Variants in ZFP41 observed in about 807,000 individuals in gnomAD.
The protein encoded by ZFP41 is zinc finger protein 41 homolog.
Under a neutral mutation model 11.6 loss-of-function variants are expected in ZFP41, and 10 were observed. That is an observed-to-expected ratio of 0.86 (90% CI 0.53 to 1.47). The LOEUF is 1.47. Among genes scored for constraint, ZFP41 ranks in the 40% most tolerant of loss-of-function variants. ZFP41 has a pLI of 0.00. For synonymous variants in ZFP41, 123 were observed against 100.9 expected (o/e 1.22, Z -1.31); for missense variants, 302 against 264.6 (o/e 1.14, Z -0.98).
chr8:143,257,406 A>G (rs559605377), intron 2 of ZFP41, among the ~76,000 whole-genome samples: 1 of 152,338 alleles, frequency 6.6e-6, no homozygotes, highest in South Asian at 2.1e-4. Flanking sequence ...CTGAGGCAGG[A>G]GAATTGCTTG....
At chr8:143,251,689 T>C (rs1814764538) in intron 2 of ZFP41, among the ~76,000 whole-genome samples, 1 of 152,202 alleles carries the variant, frequency 6.6e-6, no homozygotes, top group African/African-American at 2.4e-5. Flanking sequence ...ACTGCCCGGA[T>C]GATGGAGAGC....
Position 143,260,863 on chromosome 8 carries a change from T to C in ZFP41, c.*1989T>C, listed in dbSNP as rs1359348430. On this transcript the variant is annotated 3_prime_UTR_variant, in exon 3 of 3. Coordinates refer to ENST00000330701, the MANE Select transcript of ZFP41 (RefSeq NM_173832.6). ...CAGCCGAGCTCTGTAGGCCTCAGAG[T>C]GCAGAGAACCTCAAATGTTGTGACT... 2 of 166,668 alleles carry C rather than the reference T, an allele frequency of 1.2e-5. No individual in the cohort carries two copies. The highest frequency in any genetic ancestry group is 2.6e-5 in the Non-Finnish European group (2 of 76,834). The allele number at this position is 166,668 out of a possible 1,614,324, so 10.3% of individuals were successfully genotyped here. A position where few individuals can be genotyped will look rare whatever the true frequency, so the allele number is the denominator to read the frequency against.
chr8:143,262,183 C>A lies in ZFP41; in HGVS notation c.*3309C>A. The stretch of plus-strand genomic sequence containing the variant: ...CCCAGGTGCAGGTCTGTGAGGAGGG[C>A]AGCCCCGTGCTCCCGTGGCCACCGC... On this transcript the variant is annotated 3_prime_UTR_variant, in exon 3 of 3. Transcript: ENST00000330701. The A allele has an allele frequency of 6.1e-6, 1 of 163,156 alleles. No homozygotes were observed. The highest frequency in any genetic ancestry group is 1.3e-5 in the Non-Finnish European group (1 of 75,158). The allele number at this position is 163,156 out of a possible 1,614,324, so 10.1% of individuals were successfully genotyped here.
intron 2 of ZFP41, chr8:143,252,512 C>A: frequency 3.6e-6 from 1 of 275,262 alleles, no homozygotes; most frequent in Non-Finnish European, 5.5e-6. Flanking sequence ...AGGGGCCTCC[C>A]CAGCGCAGGT....
At position 143,261,294 on chromosome 8, in the gene ZFP41, C is replaced by T. The variant is rs1241636661; in HGVS notation, c.*2420C>T. 1 of 152,406 alleles carries T rather than the reference C, an allele frequency of 6.6e-6. No homozygotes were observed. The highest frequency in any genetic ancestry group is 1.9e-4 in the East Asian group (1 of 5,202). The allele number at this position is 152,406 out of a possible 1,614,324, so 9.4% of individuals were successfully genotyped here. A position where few individuals can be genotyped will look rare whatever the true frequency, so the allele number is the denominator to read the frequency against. On this transcript the variant is annotated 3_prime_UTR_variant, in exon 3 of 3. Coordinates refer to ENST00000330701, the MANE Select transcript of ZFP41 (RefSeq NM_173832.6). ...TCCTGAGAATGAGCTGAGGTAAAAA[C>T]ATGCTGGGGAGGAAGATGGGCCCTG...
chr8:143,252,650 A>C (rs1248395415), intron 2 of ZFP41: 20 of 984,706 alleles, frequency 2.0e-5, no homozygotes, highest in Non-Finnish European at 2.3e-5. Flanking sequence ...GGGGGTAGGT[A>C]GGTGGCAAGT....
At chr8:143,259,158 A>C (rs957737585) in intron 2 of ZFP41, among the ~76,000 whole-genome samples, 8 of 152,268 alleles carry the variant, frequency 5.3e-5, no homozygotes, top group Non-Finnish European at 1.0e-4. Flanking sequence ...CTGTTGGCAC[A>C]GTGGCCACGC....
intron 2 of ZFP41, among the ~76,000 whole-genome samples, chr8:143,251,736 C>T (rs537000930): frequency 4.6e-5 from 7 of 152,332 alleles, no homozygotes; most frequent in South Asian, 2.1e-4. Flanking sequence ...TGGGTTAACA[C>T]ATTTTTCCTG....
chr8:143,261,850 C>CA lies in ZFP41; in HGVS notation c.*2976_*2977insA, dbSNP rs1206306699. ...CACGCCTGTCTCCGGCAGCCCCTGC[C>CA]CGCACCCGCACCCCTGCACCTGCCA... On this transcript the variant is annotated 3_prime_UTR_variant, in exon 3 of 3. Transcript: ENST00000330701. 2.9e-4 allele frequency: 52 copies of CA among 179,942 alleles called. 1 individual carries two copies. The highest frequency in any genetic ancestry group is 4.0e-4 in the Non-Finnish European group (36 of 90,612). The allele number at this position is 179,942 out of a possible 1,614,324, so 11.1% of individuals were successfully genotyped here.
In ZFP41 at chr8:143,252,394, G is replaced by T. The variant is rs1432356419; in HGVS notation, c.*900+1054G>T. Among the ~76,000 whole-genome samples the T allele has an allele frequency of 2.0e-5, 3 of 152,244 alleles. No homozygotes were observed. In the East Asian group the frequency reaches 5.8e-4, roughly 29 times the overall value. Reference sequence around the variant, plus strand: ...GCCATGCCCCCATGGCATTGCTGGTGTGGCTGTGCTCGCCTGCGGGCCCTG... The same window carrying T: ...GCCATGCCCCCATGGCATTGCTGGTTTGGCTGTGCTCGCCTGCGGGCCCTG... On this transcript the variant is annotated intron_variant, in intron 2 of 2. Coordinates refer to ENST00000330701, the MANE Select transcript of ZFP41 (RefSeq NM_173832.6).
intron 2 of ZFP41, among the ~76,000 whole-genome samples, chr8:143,257,756 C>T (rs895806511): frequency 6.6e-6 from 1 of 152,188 alleles, no homozygotes; most frequent in South Asian, 2.1e-4. Flanking sequence ...CAAAACGGTT[C>T]GACCATCAGG....
chr8:143,248,987 T>A (rs1260730812), intron 1 of ZFP41, among the ~76,000 whole-genome samples: 2 of 152,132 alleles, frequency 1.3e-5, no homozygotes. Context: ...CAAAGAGAAT[T>A]CAAAGTATTT....
At chr8:143,254,002 G>A (rs958539482) in intron 2 of ZFP41, among the ~76,000 whole-genome samples, 6 of 152,156 alleles carry the variant, frequency 3.9e-5, no homozygotes, top group South Asian at 2.1e-4. Context: ...GGTGGGGTTC[G>A]TGGTCCAGTG....
intron 1 of ZFP41, chr8:143,249,205 G>A (rs957085002): frequency 2.0e-5 from 3 of 152,514 alleles, no homozygotes; most frequent in South Asian, 2.1e-4. Context: ...GACATGAGGG[G>A]TTCTGCTGGC....
intron 2 of ZFP41, among the ~76,000 whole-genome samples, chr8:143,254,761 T>C (rs1199070047): frequency 6.6e-6 from 1 of 151,134 alleles, no homozygotes; most frequent in Non-Finnish European, 1.5e-5. Flanking sequence ...GCATCCCGAG[T>C]AGCTGGGATT....
chr8:143,250,275 A>G lies in ZFP41; in HGVS notation c.432A>G (p.Lys144=). The change falls in exon 2 of 3, where the codon AAA becomes AAG. Residue 144 remains lysine, a synonymous_variant. Coordinates refer to ENST00000330701, the MANE Select transcript of ZFP41 (RefSeq NM_173832.6). ...CTCACACGGGAGAGAAGCCCTTCAA[A>G]TGCGGGGAGTGCGGGAAAGCCTTTA... ...QRTHTGEKPF[K]CGECGKAFNC... 3.1e-6 allele frequency: 5 copies of G among 1,614,080 alleles called. No homozygotes were observed. The highest frequency in any genetic ancestry group is 4.2e-6 in the Non-Finnish European group (5 of 1,180,030).
At chr8:143,254,630 CTTT>C (rs56112135) in intron 2 of ZFP41, among the ~76,000 whole-genome samples, 8 of 115,008 alleles carry the variant, frequency 7.0e-5, no homozygotes, top group African/African-American at 1.2e-4. Flanking sequence ...GGGAGCGTTA[CTTT>C]TTTTTTTTTT....
chr8:143,253,277 A>C (rs1222948572), intron 2 of ZFP41: 1 of 152,300 alleles, frequency 6.6e-6, no homozygotes, highest in Non-Finnish European at 1.5e-5. Flanking sequence ...TCTGCAGTTC[A>C]TGCCAACGGT....
intron 2 of ZFP41, among the ~76,000 whole-genome samples, chr8:143,251,944 C>T (rs759766745): frequency 6.6e-6 from 1 of 152,160 alleles, no homozygotes; most frequent in Admixed American, 6.5e-5. Context: ...CCCGGCTGCT[C>T]CTGCTGCTGG....
Sources: allele counts gnomAD v4.1 joint callset (sites outside exome capture counted in the v4.1 genomes callset), GRCh38; gene constraint gnomAD v4.1.1; transcripts MANE v1.5; gene names NCBI Gene and HGNC (gene_info 2026-07-23, HGNC 2026-07-21).